The following SBF2 variants were observed in gnomAD, a reference collection of about 807,000 sequenced individuals.
SBF2 encodes myotubularin-related protein 13.
SBF2 carries 112 observed loss-of-function variants against 225.2 expected under a neutral mutation model. That is an observed-to-expected ratio of 0.50 (90% CI 0.43 to 0.58). SBF2 has a LOEUF of 0.58. SBF2 is among the 20% of genes least tolerant of loss of function. The pLI is 0.00. For synonymous variants in SBF2, 763 were observed against 773.3 expected (o/e 0.99, Z 0.22); for missense variants, 1,996 against 2,206.2 (o/e 0.90, Z 1.91).
intron 2 of SBF2, among the ~76,000 whole-genome samples, chr11:10,193,582 T>G (rs900078459): frequency 6.6e-5 from 10 of 152,094 alleles, no homozygotes; most frequent in South Asian, 4.2e-4. Flanking sequence ...TCAATCTCCT[T>G]ACCTCGTAAT....
chr11:10,178,312 G>A (rs998989737), intron 2 of SBF2, among the ~76,000 whole-genome samples: 5 of 150,358 alleles, frequency 3.3e-5, no homozygotes, highest in African/African-American at 1.2e-4. Context: ...AACACCAAAA[G>A]CAATGGCAAC....
chr11:9,839,334 G>A, intron 26 of SBF2, 164 bp downstream of exon 26: 1 of 730,646 alleles, frequency 1.4e-6, no homozygotes, highest in Non-Finnish European at 2.4e-6. Context: ...TAAGGTAATT[G>A]TTCCGAGAAT....
At chr11:9,867,892 T>C (rs1405329718) in intron 17 of SBF2, among the ~76,000 whole-genome samples, 2 of 152,058 alleles carry the variant, frequency 1.3e-5, no homozygotes, top group Admixed American at 1.3e-4. Flanking sequence ...TAAACAGAGG[T>C]TGGTAAATGG....
chr11:9,962,033 T>C lies in SBF2; in HGVS notation c.1784A>G (p.His595Arg), dbSNP rs752899044. The C allele has an allele frequency of 1.2e-6, 2 of 1,613,952 alleles. No homozygotes were observed. The highest frequency in any genetic ancestry group is 1.7e-6 in the Non-Finnish European group (2 of 1,179,830). Residue 595 changes from histidine to arginine, a missense_variant, in exon 16 of 40, where the codon CAT becomes CGT. Physicochemically the swap from His to Arg is conservative, Grantham distance 29. Transcript: ENST00000256190. Reference protein sequence around the residue: ...RQCLTDELGLHVQQNRAILDH... With the variant: ...RQCLTDELGLRVQQNRAILDH... Reference sequence around the variant, plus strand: ...TAATATTGCCCGGTTTTGCTGGACATGCAAACCCAATTCATCAGTGAGACA... The same window carrying C: ...TAATATTGCCCGGTTTTGCTGGACACGCAAACCCAATTCATCAGTGAGACA...
At chr11:9,970,355 A>G (rs1309722843) in intron 13 of SBF2, among the ~76,000 whole-genome samples, 1 of 151,964 alleles carries the variant, frequency 6.6e-6, no homozygotes, top group Non-Finnish European at 1.5e-5. Flanking sequence ...AACAGGGCCC[A>G]CCACCACGCC....
At chr11:10,182,735 T>TTTG (rs201192340) in intron 2 of SBF2, among the ~76,000 whole-genome samples, 240 of 151,298 alleles carry the variant, frequency 1.6e-3, no homozygotes, top group African/African-American at 5.1e-3. Context: ...TCTATGTCTT[T>TTTG]TTGTTGTTGT....
intron 1 of SBF2, among the ~76,000 whole-genome samples, chr11:10,230,701 C>T: frequency 6.6e-6 from 1 of 152,116 alleles, no homozygotes; most frequent in East Asian, 1.9e-4. Context: ...GATGGGCTTC[C>T]CTTTGTGGGT....
chr11:10,043,329 T>C (rs1055503334), intron 2 of SBF2, among the ~76,000 whole-genome samples: 1 of 152,160 alleles, frequency 6.6e-6, no homozygotes, highest in Non-Finnish European at 1.5e-5. Flanking sequence ...GGGCAAAATA[T>C]GTATCATTGA....
intron 1 of SBF2, among the ~76,000 whole-genome samples, chr11:10,299,938 C>T (rs1468312393): frequency 6.6e-6 from 1 of 152,180 alleles, no homozygotes; most frequent in Non-Finnish European, 1.5e-5. Context: ...ATCTTCATGT[C>T]GGAAAGGGTC....
At chr11:10,029,727 G>A (rs1199864372) in intron 5 of SBF2, 38 bp downstream of exon 5, 1 of 1,252,890 alleles carries the variant, frequency 8.0e-7, no homozygotes, top group South Asian at 1.2e-5. Flanking sequence ...AGGGGAAGAG[G>A]AACAATCCTT....
At chr11:10,146,822 T>C (rs1390582628) in intron 2 of SBF2, among the ~76,000 whole-genome samples, 2 of 152,140 alleles carry the variant, frequency 1.3e-5, no homozygotes, top group African/African-American at 2.4e-5. Flanking sequence ...AAGCTATGTA[T>C]TGACAAAGGT....
At chr11:9,937,828 G>T (rs1015171882) in intron 16 of SBF2, among the ~76,000 whole-genome samples, 1 of 151,906 alleles carries the variant, frequency 6.6e-6, no homozygotes, top group African/African-American at 2.4e-5. Context: ...AAAAGCAACT[G>T]AAAATGGAAA....
chr11:9,887,014 G>A (rs11042529), intron 17 of SBF2, among the ~76,000 whole-genome samples: 31,196 of 151,988 alleles, frequency 0.21, 4,108 homozygotes, highest in Non-Finnish European at 0.3. Flanking sequence ...GGACATCAAT[G>A]TCTACTGAAC....
At chr11:10,102,071 C>A (rs925973965) in intron 2 of SBF2, among the ~76,000 whole-genome samples, 4 of 152,140 alleles carry the variant, frequency 2.6e-5, no homozygotes, top group African/African-American at 7.2e-5. Context: ...GGAATAAAGA[C>A]AGTTTTAAAG....
chr11:10,274,838 G>A (rs934917458), intron 1 of SBF2, among the ~76,000 whole-genome samples: 3 of 151,882 alleles, frequency 2.0e-5, no homozygotes, highest in African/African-American at 7.3e-5. Context: ...GTAGAGCTAT[G>A]TACTACATTC....
chr11:10,224,984 C>T (rs1674849989), intron 1 of SBF2, among the ~76,000 whole-genome samples: 1 of 152,124 alleles, frequency 6.6e-6, no homozygotes, highest in African/African-American at 2.4e-5. Flanking sequence ...AAGATAAACT[C>T]AAATTTTCAC....
intron 2 of SBF2, among the ~76,000 whole-genome samples, chr11:10,144,303 C>T (rs1204638946): frequency 6.6e-6 from 1 of 152,020 alleles, no homozygotes; most frequent in Non-Finnish European, 1.5e-5. Flanking sequence ...GCCTGGGCAA[C>T]ATGGTAAAAC....
chr11:10,223,618 C>T (rs952139651), intron 1 of SBF2, among the ~76,000 whole-genome samples: 13 of 151,704 alleles, frequency 8.6e-5, no homozygotes, highest in Non-Finnish European at 2.9e-5. Context: ...CTTCAATCTA[C>T]ACTACATATC....
At chr11:9,929,556 T>A (rs1037306291) in intron 16 of SBF2, among the ~76,000 whole-genome samples, 1 of 152,316 alleles carries the variant, frequency 6.6e-6, no homozygotes, top group Middle Eastern at 3.4e-3. Context: ...AGAAGTATAG[T>A]TGGCAAATCG....
Sources: gnomAD v4.1 joint callset for allele counts (sites outside exome capture counted in the v4.1 genomes callset) on GRCh38, gnomAD v4.1.1 for gene constraint, MANE v1.5 for transcripts, NCBI Gene and HGNC (gene_info 2026-07-23, HGNC 2026-07-21) for gene names.